Variants in RAD52 observed in about 807,000 individuals in gnomAD.
The protein encoded by RAD52 is DNA repair protein RAD52 homolog.
A neutral mutation model predicts 55.5 loss-of-function variants in RAD52; 47 were observed. That is an observed-to-expected ratio of 0.85 (90% CI 0.67 to 1.08). The LOEUF (loss-of-function observed/expected upper bound fraction) is 1.08. RAD52 is among the 50% of genes least tolerant of loss of function. The pLI, the probability that RAD52 is intolerant of heterozygous loss-of-function variation, is 0.00. For missense variants in RAD52, 468 were observed against 522.8 expected (o/e 0.90, Z 1.02); for synonymous variants, 184 against 198.9 (o/e 0.92, Z 0.63).
intron 1 of RAD52, among the ~76,000 whole-genome samples, chr12:945,332 G>A (rs1477745470): frequency 6.7e-6 from 1 of 148,648 alleles, no homozygotes; most frequent in Admixed American, 6.8e-5. Context: ...GCCTGAGCAA[G>A]AGTGAGACTC....
chr12:940,373 C>A (rs570668323), intron 1 of RAD52, among the ~76,000 whole-genome samples: 1 of 151,898 alleles, frequency 6.6e-6, no homozygotes, highest in Non-Finnish European at 1.5e-5. Flanking sequence ...CCAAGGCGGG[C>A]GGATCACGAG....
intron 1 of RAD52, among the ~76,000 whole-genome samples, chr12:967,311 G>A (rs1002366966): frequency 6.6e-6 from 1 of 151,466 alleles, no homozygotes; most frequent in African/African-American, 2.4e-5. Flanking sequence ...CCCAGGAGAC[G>A]GAGGTTGTAG....
At chr12:985,124 T>C (rs1261998391) in intron 1 of RAD52, among the ~76,000 whole-genome samples, 2 of 152,238 alleles carry the variant, frequency 1.3e-5, no homozygotes, top group African/African-American at 4.8e-5. Flanking sequence ...AAAAGTTTTA[T>C]ATTTTGATGA....
intron 9 of RAD52, among the ~76,000 whole-genome samples, chr12:915,871 C>T (rs1363696667): frequency 6.6e-6 from 1 of 152,160 alleles, no homozygotes; most frequent in Non-Finnish European, 1.5e-5. Context: ...TGCACCACCA[C>T]ACCTGGCTAA....
intron 1 of RAD52, among the ~76,000 whole-genome samples, chr12:957,905 A>G (rs1958630241): frequency 6.6e-6 from 1 of 152,254 alleles, no homozygotes; most frequent in Non-Finnish European, 1.5e-5. Flanking sequence ...ATTTTTCTGG[A>G]GATGGAATCA....
intron 9 of RAD52, 25 bp from the exon 10 acceptor site, chr12:914,557 G>T: frequency 1.9e-6 from 3 of 1,611,926 alleles, no homozygotes; most frequent in Non-Finnish European, 2.5e-6. Flanking sequence ...GGAGAGAAAG[G>T]ACAAGTCATC....
upstream of RAD52, among the ~76,000 whole-genome samples, chr12:953,884 C>T (rs1007860649): frequency 3.9e-5 from 6 of 152,140 alleles, no homozygotes; most frequent in South Asian, 6.2e-4. Flanking sequence ...GAGAGCGTTC[C>T]GTACACACAG....
At chr12:935,523 G>C (rs958304085) in intron 1 of RAD52, among the ~76,000 whole-genome samples, 8 of 151,790 alleles carry the variant, frequency 5.3e-5, no homozygotes, top group African/African-American at 9.7e-5. Flanking sequence ...TGAGATTACA[G>C]GTGTGCGCCA....
intron 1 of RAD52, among the ~76,000 whole-genome samples, chr12:961,463 T>C (rs1424998872): frequency 1.5e-4 from 23 of 151,964 alleles, no homozygotes; most frequent in Non-Finnish European, 2.9e-5. Context: ...AATAGAGCAT[T>C]TGAAGCCATA....
chr12:991,041 A>C (rs1398373069), upstream of RAD52: 1 of 151,556 alleles, frequency 6.6e-6, no homozygotes, highest in African/African-American at 2.4e-5. Flanking sequence ...CCCGCTTCCC[A>C]GTTCCTCACC....
At chr12:983,505 C>T (rs1363608232) in intron 1 of RAD52, among the ~76,000 whole-genome samples, 1 of 150,444 alleles carries the variant, frequency 6.6e-6, no homozygotes, top group African/African-American at 2.4e-5. Flanking sequence ...CAACCTCTGC[C>T]TCCCAGATTC....
At chr12:945,653 C>G (rs1958177951) in intron 1 of RAD52, among the ~76,000 whole-genome samples, 1 of 147,554 alleles carries the variant, frequency 6.8e-6, no homozygotes, top group Non-Finnish European at 1.5e-5. Context: ...CCAGGCTGGT[C>G]TCGAACTCCT....
chr12:958,129 T>C (rs936252247), intron 1 of RAD52, among the ~76,000 whole-genome samples: 2 of 152,252 alleles, frequency 1.3e-5, no homozygotes, highest in East Asian at 3.9e-4. Context: ...CATGTGGGCC[T>C]CTCCGCAGAC....
At chr12:943,713 C>A (rs1442608722) in intron 1 of RAD52, among the ~76,000 whole-genome samples, 1 of 151,714 alleles carries the variant, frequency 6.6e-6, no homozygotes, top group East Asian at 1.9e-4. Flanking sequence ...TTTCCCCATT[C>A]ATTTTCTTAG....
chr12:920,543 G>C (rs1188846667), intron 7 of RAD52, among the ~76,000 whole-genome samples: 4 of 149,824 alleles, frequency 2.7e-5, no homozygotes, highest in Non-Finnish European at 1.5e-5. Context: ...CTGGGCGACA[G>C]AGTGAGACTC....
intron 1 of RAD52, among the ~76,000 whole-genome samples, chr12:964,613 C>G (rs12812789): frequency 0.2 from 30,490 of 151,994 alleles, 3,540 homozygotes; most frequent in Non-Finnish European, 0.26. Context: ...AATAGCGGCT[C>G]TGCTGCCCAG....
chr12:948,296 A>C (rs1450906750), intron 1 of RAD52, among the ~76,000 whole-genome samples: 1 of 152,144 alleles, frequency 6.6e-6, no homozygotes, highest in Non-Finnish European at 1.5e-5. Context: ...GTGTCTGCTA[A>C]TGGTTTTAAG....
chr12:971,160 T>C (rs1405431625), intron 1 of RAD52, among the ~76,000 whole-genome samples: 11 of 152,218 alleles, frequency 7.2e-5, no homozygotes, highest in Non-Finnish European at 1.5e-4. Flanking sequence ...ATGTCTTTAC[T>C]TCCATTGGGG....
intron 1 of RAD52, among the ~76,000 whole-genome samples, chr12:957,461 C>T (rs867697857): frequency 6.4e-5 from 6 of 94,310 alleles, no homozygotes; most frequent in African/African-American, 1.6e-4. Flanking sequence ...AGTAAAACTT[C>T]GTCTCAAAAA....
Sources: allele counts gnomAD v4.1 joint callset (sites outside exome capture counted in the v4.1 genomes callset), GRCh38; gene constraint gnomAD v4.1.1; transcripts MANE v1.5; gene names NCBI Gene and HGNC (gene_info 2026-07-23, HGNC 2026-07-21).